The following SAMD3 variants were observed in gnomAD, a reference collection of about 807,000 sequenced individuals.
The protein encoded by SAMD3 is sterile alpha motif domain-containing protein 3.
In SAMD3, 63 loss-of-function variants were observed where a neutral mutation model predicts 58.5. That is an observed-to-expected ratio of 1.08 (90% CI 0.88 to 1.33). The LOEUF is 1.33. Among genes scored for constraint, SAMD3 ranks in the 40% most tolerant of loss-of-function variants. SAMD3 has a pLI of 0.00. For missense variants in SAMD3, 604 were observed against 608.4 expected (o/e 0.99, Z 0.08); for synonymous variants, 220 against 210.3 (o/e 1.05, Z -0.40).
chr6:130,321,090 G>T (rs1403849434), intron 1 of SAMD3, among the ~76,000 whole-genome samples: 1 of 152,144 alleles, frequency 6.6e-6, no homozygotes, highest in African/African-American at 2.4e-5. Context: ...GTGTGGGCTG[G>T]ACCTAGTGAC....
chr6:130,182,992 C>A (rs942037190), intron 7 of SAMD3: 3 of 187,912 alleles, frequency 1.6e-5, no homozygotes, highest in Non-Finnish European at 3.3e-5. Context: ...GCATCATAAA[C>A]ACTCAGTTTT....
intron 8 of SAMD3, among the ~76,000 whole-genome samples, chr6:130,163,516 C>A (rs540644240): frequency 3.3e-5 from 5 of 152,170 alleles, no homozygotes; most frequent in Non-Finnish European, 7.4e-5. Flanking sequence ...ACCCATGCAA[C>A]CTTGCCCCAT....
intron 8 of SAMD3, among the ~76,000 whole-genome samples, chr6:130,171,812 A>T (rs1166185489): frequency 6.6e-6 from 1 of 152,172 alleles, no homozygotes; most frequent in Non-Finnish European, 1.5e-5. Context: ...GTGGGGTGTT[A>T]AAGTCGCCTA....
At chr6:130,242,423 C>A (rs1234618816) in intron 2 of SAMD3, among the ~76,000 whole-genome samples, 1 of 152,206 alleles carries the variant, frequency 6.6e-6, no homozygotes, top group Non-Finnish European at 1.5e-5. Context: ...CTAAATTATA[C>A]ACGAAAAGTT....
chr6:130,360,178 A>T (rs1216870225), intron 1 of SAMD3, among the ~76,000 whole-genome samples: 3 of 152,348 alleles, frequency 2.0e-5, no homozygotes, highest in East Asian at 3.9e-4. Context: ...AATAATCCCC[A>T]GTGTCAAAAC....
intron 5 of SAMD3, among the ~76,000 whole-genome samples, chr6:130,204,666 G>C (rs1794926636): frequency 6.6e-6 from 1 of 151,112 alleles, no homozygotes; most frequent in Admixed American, 6.6e-5. Context: ...CAGCACTCTA[G>C]TGTTTCCTTG....
chr6:130,154,235 CT>C (rs5880003), intron 9 of SAMD3, among the ~76,000 whole-genome samples: 111,963 of 127,654 alleles, frequency 0.88, 48,576 homozygotes, highest in East Asian at 0.98. Flanking sequence ...TACTGAAATT[CT>C]TTTTTTTTTT....
chr6:130,253,783 T>A (rs921754320), intron 2 of SAMD3, among the ~76,000 whole-genome samples: 1 of 152,092 alleles, frequency 6.6e-6, no homozygotes, highest in African/African-American at 2.4e-5. Flanking sequence ...ATCTTTGTAC[T>A]AATAAATGTG....
At chr6:130,219,273 C>T (rs1002563983) in intron 1 of SAMD3, among the ~76,000 whole-genome samples, 1 of 152,038 alleles carries the variant, frequency 6.6e-6, no homozygotes, top group Non-Finnish European at 1.5e-5. Context: ...GGGGCTGTCT[C>T]TATACGTTAT....
chr6:130,147,965 C>T (rs1288097704), intron 9 of SAMD3, among the ~76,000 whole-genome samples: 1 of 152,180 alleles, frequency 6.6e-6, no homozygotes, highest in Non-Finnish European at 1.5e-5. Context: ...GTAACTGGTC[C>T]CAGTATTGGA....
At chr6:130,286,092 T>C (rs1296422053) in intron 2 of SAMD3, 1 of 152,142 alleles carries the variant, frequency 6.6e-6, no homozygotes, top group African/African-American at 2.4e-5. Context: ...AAGAAATAGG[T>C]TTATGAACTG....
intron 1 of SAMD3, among the ~76,000 whole-genome samples, chr6:130,356,486 T>C (rs1426030530): frequency 6.6e-6 from 1 of 152,230 alleles, no homozygotes; most frequent in Non-Finnish European, 1.5e-5. Context: ...CCCTACCTTA[T>C]TTTTCTTCAT....
chr6:130,149,350 T>C (rs1418766813), intron 9 of SAMD3, among the ~76,000 whole-genome samples: 4 of 152,214 alleles, frequency 2.6e-5, no homozygotes, highest in African/African-American at 4.8e-5. Flanking sequence ...AGAGCTACCA[T>C]TTGACCCAAC....
At chr6:130,222,464 A>G (rs1019766802) in intron 1 of SAMD3, among the ~76,000 whole-genome samples, 13 of 152,260 alleles carry the variant, frequency 8.5e-5, no homozygotes, top group African/African-American at 3.1e-4. Flanking sequence ...AATTTAAAAT[A>G]GTATGATTCA....
intron 1 of SAMD3, among the ~76,000 whole-genome samples, chr6:130,336,956 T>G (rs1010066907): frequency 4.6e-5 from 7 of 152,228 alleles, no homozygotes; most frequent in African/African-American, 1.7e-4. Flanking sequence ...ACTAGATCTT[T>G]AGATGCTTAA....
intron 5 of SAMD3, among the ~76,000 whole-genome samples, chr6:130,199,558 T>A (rs1447516578): frequency 2.0e-5 from 3 of 152,212 alleles, no homozygotes; most frequent in Non-Finnish European, 4.4e-5. Flanking sequence ...AAACTACAAG[T>A]GAATCAGAAA....
At chr6:130,198,029 A>AC (rs1244480326) in intron 5 of SAMD3, among the ~76,000 whole-genome samples, 2 of 151,692 alleles carry the variant, frequency 1.3e-5, no homozygotes, top group Non-Finnish European at 2.9e-5. Flanking sequence ...GTACCTTGTG[A>AC]CCCCCTCAGT....
At chr6:130,168,985 T>C (rs1790972627) in intron 8 of SAMD3, among the ~76,000 whole-genome samples, 1 of 152,036 alleles carries the variant, frequency 6.6e-6, no homozygotes, top group Non-Finnish European at 1.5e-5. Flanking sequence ...TGTTTAGTTT[T>C]TGTAAAGAGG....
At chr6:130,143,676 A>G (rs1018979310), downstream of SAMD3, 8 of 152,378 alleles carry the variant, frequency 5.3e-5, no homozygotes, top group African/African-American at 9.6e-5. Flanking sequence ...GCCCTGGTCT[A>G]TCTTCCAAAG....
Sources: gnomAD v4.1 joint callset for allele counts (sites outside exome capture counted in the v4.1 genomes callset) on GRCh38, gnomAD v4.1.1 for gene constraint, MANE v1.5 for transcripts, NCBI Gene and HGNC (gene_info 2026-07-23, HGNC 2026-07-21) for gene names.